DDR2: variants seen among roughly 807,000 people sequenced by gnomAD.
The protein encoded by DDR2 is discoidin domain receptor tyrosine kinase 2.
Under a neutral mutation model 94.9 loss-of-function variants are expected in DDR2, and 27 were observed. The ratio of observed to expected loss-of-function variants is 0.28; its 90% CI spans 0.21 to 0.39. The LOEUF is 0.39. Among genes scored for constraint, DDR2 ranks in the 10% least tolerant of loss-of-function variants. DDR2 has a pLI of 1.00. For missense variants in DDR2, 783 were observed against 1,076.0 expected (o/e 0.73, Z 3.81); for synonymous variants, 382 against 377.2 (o/e 1.01, Z -0.15).
intron 2 of DDR2, among the ~76,000 whole-genome samples, chr1:162,686,862 G>A (rs1659714114): frequency 6.6e-6 from 1 of 152,236 alleles, no homozygotes; most frequent in African/African-American, 2.4e-5. Flanking sequence ...ACAGGCATGA[G>A]CCACCACGCC....
At chr1:162,696,580 G>A (rs1660203698) in intron 2 of DDR2, among the ~76,000 whole-genome samples, 1 of 151,934 alleles carries the variant, frequency 6.6e-6, no homozygotes, top group East Asian at 1.9e-4. Context: ...CTGAGTGAGG[G>A]CTTGAAAAAA....
chr1:162,685,694 A>G (rs1363194097), intron 2 of DDR2, among the ~76,000 whole-genome samples: 1 of 152,152 alleles, frequency 6.6e-6, no homozygotes, highest in Non-Finnish European at 1.5e-5. Context: ...ATCGACGTAC[A>G]TACTGTGGAA....
chr1:162,694,327 C>T (rs926818186), intron 2 of DDR2, among the ~76,000 whole-genome samples: 3 of 152,306 alleles, frequency 2.0e-5, no homozygotes, highest in Admixed American at 6.5e-5. Flanking sequence ...CCGTACACTC[C>T]GTGCTTGAGC....
At chr1:162,674,877 G>A (rs999967860) in intron 2 of DDR2, among the ~76,000 whole-genome samples, 2 of 152,246 alleles carry the variant, frequency 1.3e-5, no homozygotes, top group Admixed American at 6.5e-5. Flanking sequence ...ACATTGGGTG[G>A]GCATGGTGGC....
intron 2 of DDR2, among the ~76,000 whole-genome samples, chr1:162,660,752 CTG>C (rs1378472263): frequency 1.3e-5 from 2 of 152,218 alleles, no homozygotes; most frequent in Non-Finnish European, 2.9e-5. Flanking sequence ...AGTTGGAAAA[CTG>C]TGGCCTGCTG....
At chr1:162,754,111 C>T (rs1408399055) in intron 4 of DDR2, among the ~76,000 whole-genome samples, 1 of 152,116 alleles carries the variant, frequency 6.6e-6, no homozygotes, top group Non-Finnish European at 1.5e-5. Flanking sequence ...TTACTACTTC[C>T]TTGACATGCT....
chr1:162,688,954 C>T (rs1267291033), intron 2 of DDR2, among the ~76,000 whole-genome samples: 1 of 152,180 alleles, frequency 6.6e-6, no homozygotes, highest in East Asian at 1.9e-4. Flanking sequence ...ATGATGAAGC[C>T]TCAGAGCCCT....
intron 3 of DDR2, among the ~76,000 whole-genome samples, chr1:162,724,518 C>G (rs1661564726): frequency 6.6e-6 from 1 of 152,194 alleles, no homozygotes; most frequent in South Asian, 2.1e-4. Flanking sequence ...TGGTTCCCTT[C>G]TGCACCAGGT....
At chr1:162,688,957 A>G (rs945743468) in intron 2 of DDR2, among the ~76,000 whole-genome samples, 2 of 152,220 alleles carry the variant, frequency 1.3e-5, no homozygotes, top group Admixed American at 1.3e-4. Flanking sequence ...ATGAAGCCTC[A>G]GAGCCCTTGG....
chr1:162,742,600 A>G (rs962614390), intron 3 of DDR2, among the ~76,000 whole-genome samples: 3 of 151,810 alleles, frequency 2.0e-5, no homozygotes, highest in Non-Finnish European at 4.4e-5. Flanking sequence ...CAAACACCCT[A>G]CCTCCTCTCC....
Position 162,767,172 on chromosome 1 carries a change from T to A in DDR2, c.1163-57T>A, listed in dbSNP as rs1166329356. ...TCCATGTTTCCAGTTCAGTCCCTCA[T>A]ACTTTTACTTGACCTGTGAGATGAT... On this transcript the variant is annotated intron_variant, in intron 10 of 17. Transcript: ENST00000367921. 3.0e-5 allele frequency: 49 copies of A among 1,612,682 alleles called. No individual in the cohort carries two copies. The Middle Eastern group carries it at 5.0e-4, about 16-fold the overall frequency.
intron 4 of DDR2, among the ~76,000 whole-genome samples, 196 bp from the exon 5 acceptor site, chr1:162,754,428 C>T (rs779520159): frequency 6.6e-6 from 1 of 152,172 alleles, no homozygotes; most frequent in Non-Finnish European, 1.5e-5. Flanking sequence ...TTCAGGGTCT[C>T]ATGGTACTCC....
At chr1:162,653,294 G>A (rs1435771527) in intron 1 of DDR2, among the ~76,000 whole-genome samples, 1 of 150,882 alleles carries the variant, frequency 6.6e-6, no homozygotes, top group East Asian at 2.0e-4. Flanking sequence ...AATTGTTTGG[G>A]GGCCGGGCAT....
chr1:162,643,669 C>T (rs925335719), intron 1 of DDR2, among the ~76,000 whole-genome samples: 2 of 152,054 alleles, frequency 1.3e-5, no homozygotes, highest in African/African-American at 2.4e-5. Flanking sequence ...TTAGTAGAGA[C>T]GAAGCTTTGC....
intron 3 of DDR2, among the ~76,000 whole-genome samples, chr1:162,742,523 G>A (rs1662662665): frequency 6.6e-6 from 1 of 152,238 alleles, no homozygotes; most frequent in Admixed American, 6.5e-5. Flanking sequence ...TGTGAACTTA[G>A]AGCGAGAGCT....
intron 3 of DDR2, among the ~76,000 whole-genome samples, chr1:162,752,519 C>T (rs931873892): frequency 2.6e-5 from 4 of 152,214 alleles, no homozygotes; most frequent in Non-Finnish European, 5.9e-5. Flanking sequence ...GTCTCTGTTA[C>T]TCCGTCTTTG....
chr1:162,772,292 G>C, intron 13 of DDR2, 45 bp downstream of exon 13: 1 of 1,589,836 alleles, frequency 6.3e-7, no homozygotes, highest in South Asian at 1.1e-5. Context: ...GAAGGTGGTT[G>C]GATAAAAATG....
intron 7 of DDR2, among the ~76,000 whole-genome samples, chr1:162,759,510 A>G (rs1461495184): frequency 6.6e-6 from 1 of 152,260 alleles, no homozygotes; most frequent in Non-Finnish European, 1.5e-5. Flanking sequence ...TAAATTATAG[A>G]AAGCTTTTCA....
At chr1:162,719,714 T>C (rs1228584747) in intron 3 of DDR2, among the ~76,000 whole-genome samples, 2 of 152,186 alleles carry the variant, frequency 1.3e-5, no homozygotes, top group African/African-American at 4.8e-5. Flanking sequence ...AGTAAATAAT[T>C]GTATTATTTA....
Sources: allele counts gnomAD v4.1 joint callset (sites outside exome capture counted in the v4.1 genomes callset), GRCh38; gene constraint gnomAD v4.1.1; transcripts MANE v1.5; gene names NCBI Gene and HGNC (gene_info 2026-07-23, HGNC 2026-07-21).